The following PLPPR3 variants were observed in gnomAD, a reference collection of about 807,000 sequenced individuals.
PLPPR3 encodes phospholipid phosphatase related 3, also known as phospholipid phosphatase-related protein type 3.
PLPPR3 carries 14 observed loss-of-function variants against 27.3 expected under a neutral mutation model. The observed-to-expected ratio is 0.51, with a 90% CI of 0.34 to 0.80. The LOEUF (loss-of-function observed/expected upper bound fraction) is 0.80. Ranked by LOEUF, PLPPR3 falls within the 30% of genes least tolerant of loss-of-function variation. The probability of loss-of-function intolerance (pLI) is 0.01; values close to 1 mark genes in which losing one functional copy is unlikely to be tolerated. For missense variants in PLPPR3, 1,287 were observed against 1,056.9 expected (o/e 1.22, Z -3.02); for synonymous variants, 671 against 508.0 (o/e 1.32, Z -4.32).
chr19:815,220 G>A lies in PLPPR3; in HGVS notation c.369C>T (p.Phe123=), dbSNP rs2035031923. 1.9e-6 allele frequency: 3 copies of A among 1,599,642 alleles called. No individual in the cohort carries two copies. The highest frequency in any genetic ancestry group is 2.6e-6 in the Non-Finnish European group (3 of 1,175,916). The stretch of plus-strand genomic sequence containing the variant: ...GCACCGTACGCCGCAGGAAGGAGTT[G>A]AAGTTGCAGCCGCCGGCGTTGATGC... The part of the protein sequence containing the change: ...EGSINAGGCN[F]NSFLRRTVRF... The change falls in exon 4 of 8, where the codon TTC becomes TTT. Residue 123 remains phenylalanine (F), a synonymous_variant. Transcript: ENST00000520876.
chr19:817,282 C>A (rs1367394576), intron 2 of PLPPR3, among the ~76,000 whole-genome samples: 3 of 151,772 alleles, frequency 2.0e-5, no homozygotes, highest in Non-Finnish European at 2.9e-5. Context: ...CCAGCCATGG[C>A]CTCAAGCCTT....
rs149906063 is a variant in PLPPR3, at chr19:813,956, C to T, written c.832-61G>A. The T allele has an allele frequency of 1.4e-6, 2 of 1,404,086 alleles. No individual in the cohort carries two copies. The highest frequency in any genetic ancestry group is 1.6e-5 in the South Asian group (1 of 64,008). 87.0% of individuals were successfully genotyped at this position (1,404,086 alleles called of 1,614,324 possible). A position where few individuals can be genotyped will look rare whatever the true frequency, so the allele number is the denominator to read the frequency against. On this transcript the variant is annotated intron_variant, in intron 7 of 7. Transcript: ENST00000520876. This position sits in a 1 kb window ranked among gnomAD's most constrained non-coding sequence, Gnocchi z 4.1. ...GCTCAGAGGGCTCCTCCCCTGTGAT[C>T]GTTGGACTTGCCGCGGGGGGCTCTG...
chr19:812,534 TCGGCCCGCCCCCCGCCCGCCCC>T lies in PLPPR3; in HGVS notation c.*14_*35del, dbSNP rs1328346361. ...AGCATCCGCGCGGCCGCCCGCGCCC[TCGGCCCGCCCCCCGCCCGCCCC>T]CGGCCCCGCCGCGCTAGTCGGGGAA... On this transcript the variant is annotated 3_prime_UTR_variant, in exon 8 of 8. Coordinates refer to ENST00000520876, the MANE Select transcript of PLPPR3 (RefSeq NM_001270366.2). The T allele has an allele frequency of 1.0e-6, 1 of 981,702 alleles. No individual in the cohort carries two copies. Among genetic ancestry groups the T allele is most frequent in the African/African-American group, 1.8e-5 (1 of 56,592 alleles). 60.8% of individuals were successfully genotyped at this position (981,702 alleles called of 1,614,324 possible). A position where few individuals can be genotyped will look rare whatever the true frequency, so the allele number is the denominator to read the frequency against.
Position 812,542 on chromosome 19 carries a change from C to CG in PLPPR3, c.*27_*28insC. On this transcript the variant is annotated 3_prime_UTR_variant, in exon 8 of 8. Transcript: ENST00000520876. Reference sequence around the variant, plus strand: ...CGCGGCCGCCCGCGCCCTCGGCCCGCCCCCCGCCCGCCCCCGGCCCCGCCG... The same window carrying CG: ...CGCGGCCGCCCGCGCCCTCGGCCCGCGCCCCCGCCCGCCCCCGGCCCCGCCG... 108 of 346,206 alleles carry CG rather than the reference C, an allele frequency of 3.1e-4. No homozygotes were observed. The highest frequency in any genetic ancestry group is 4.1e-4 in the Non-Finnish European group (101 of 248,050). The allele number at this position is 346,206 out of a possible 1,614,324, so 21.4% of individuals were successfully genotyped here.
In PLPPR3 at chr19:821,511, G is replaced by T; in HGVS notation, c.49C>A (p.Leu17Ile). The T allele has an allele frequency of 1.3e-6, 2 of 1,509,186 alleles. No homozygotes were observed. Among genetic ancestry groups the T allele is most frequent in the Non-Finnish European group, 1.8e-6 (2 of 1,127,186 alleles). The allele number at this position is 1,509,186 out of a possible 1,614,324, so 93.5% of individuals were successfully genotyped here. A position where few individuals can be genotyped will look rare whatever the true frequency, so the allele number is the denominator to read the frequency against. Residue 17 changes from leucine (L) to isoleucine (I), a missense_variant, in exon 2 of 8, where the codon CTT becomes ATT. Physicochemically the swap from Leu to Ile is conservative, Grantham distance 5. Coordinates refer to ENST00000520876, the MANE Select transcript of PLPPR3 (RefSeq NM_001270366.2). Reference sequence around the variant, plus strand: ...TCCACGAAGTAGAAGCAGGGCAGAAGCGTCATGCTGTCCTTCGGGATCTTG... The same window carrying T: ...TCCACGAAGTAGAAGCAGGGCAGAATCGTCATGCTGTCCTTCGGGATCTTG... ...KNKIPKDSMT[L>I]LPCFYFVELP...
chr19:816,344 TCC>T, intron 2 of PLPPR3, among the ~76,000 whole-genome samples: 1 of 47,854 alleles, frequency 2.1e-5, no homozygotes, highest in African/African-American at 1.3e-4. Context: ...CACCCACCCA[TCC>T]ATCCGTCCAT....
chr19:814,107 C>A (rs1002862234), intron 7 of PLPPR3, among the ~76,000 whole-genome samples: 6 of 152,058 alleles, frequency 3.9e-5, no homozygotes, highest in African/African-American at 1.4e-4. Flanking sequence ...AAGGGCGAGA[C>A]ACTTCAGCAC....
At chr19:817,273 C>T (rs909540237) in intron 2 of PLPPR3, among the ~76,000 whole-genome samples, 39 of 152,014 alleles carry the variant, frequency 2.6e-4, no homozygotes, top group African/African-American at 9.4e-4. Context: ...GCACCGCACC[C>T]AGCCATGGCC....
chr19:814,305 CCCCCTGAGCCTGCCTCCCACCTCAGA>C, intron 7 of PLPPR3, 103 bp downstream of exon 7: 2 of 889,488 alleles, frequency 2.2e-6, no homozygotes, highest in Admixed American at 2.8e-5. Flanking sequence ...CCCTGTCAGA[CCCCCTGAGCCTGCCTCCCACCTCAGA>C]CCCCTGGGCC....
rs781052232 is a variant in PLPPR3, at chr19:814,656, G to A, written c.657+36C>T. 5.6e-6 allele frequency: 9 copies of A among 1,609,084 alleles called. No homozygotes were observed. The Admixed American group carries it at 8.3e-5, about 15-fold the overall frequency. ...GGGAGGGCTCCCCACGGGTCAGCAA[G>A]AGGGCCTGGGAAGGGCAGTGAGGGG... is the stretch of plus-strand genomic sequence containing the variant. On this transcript the variant is annotated intron_variant, in intron 6 of 7. Coordinates refer to ENST00000520876, the MANE Select transcript of PLPPR3 (RefSeq NM_001270366.2).
At chr19:815,356 T>C in intron 3 of PLPPR3, 29 bp from the exon 4 acceptor site, 1 of 1,516,590 alleles carries the variant, frequency 6.6e-7, no homozygotes, top group Non-Finnish European at 8.8e-7. Flanking sequence ...CGCTCAGGCC[T>C]CGGTGCCCAC....
Position 815,227 on chromosome 19 carries a change from C to T in PLPPR3, c.362G>A (p.Cys121Tyr). The part of the protein sequence containing the change: ...GAEGSINAGG[C>Y]NFNSFLRRTV... ...ACGCCGCAGGAAGGAGTTGAAGTTG[C>T]AGCCGCCGGCGTTGATGCTGCCCTC... Residue 121 changes from cysteine (C) to tyrosine (Y), a missense_variant, in exon 4 of 8, where the codon TGC becomes TAC. By Grantham distance (194) the Cys-to-Tyr change is radical. Transcript: ENST00000520876. The T allele has an allele frequency of 1.3e-6, 2 of 1,594,202 alleles. No homozygotes were observed. The highest frequency in any genetic ancestry group is 8.5e-7 in the Non-Finnish European group (1 of 1,173,328).
Position 821,584 on chromosome 19 carries a change from GGCT to G in PLPPR3, c.-26-2_-26del, listed in dbSNP as rs772867952. On this transcript the variant is annotated splice_acceptor_variant and 5_prime_UTR_variant, in exon 2 of 8. Coordinates refer to ENST00000520876, the MANE Select transcript of PLPPR3 (RefSeq NM_001270366.2). LOFTEE classifies it low-confidence loss of function (5UTR_SPLICE). ...TGGTGCCGCGGGCGCCGCAGGCCGT[GGCT>G]GGAGGGGAGAAAGCGGCGCTGGAGG... 6.8e-7 allele frequency: 1 copy of G among 1,467,766 alleles called. No individual in the cohort carries two copies. Among genetic ancestry groups the G allele is most frequent in the South Asian group, 1.3e-5 (1 of 76,664 alleles). 90.9% of individuals were successfully genotyped at this position (1,467,766 alleles called of 1,614,324 possible).
upstream of PLPPR3, among the ~76,000 whole-genome samples, chr19:822,918 A>G (rs1303502765): frequency 3.3e-5 from 5 of 151,456 alleles, no homozygotes; most frequent in East Asian, 9.7e-4. Flanking sequence ...CAGGAGTTCG[A>G]GACCAGCCTG....
At chr19:822,412 G>T (rs1160036972), upstream of PLPPR3, among the ~76,000 whole-genome samples, 6 of 152,042 alleles carry the variant, frequency 3.9e-5, no homozygotes, top group African/African-American at 1.2e-4. Context: ...GGAGCCCGCC[G>T]CTCGCTGGTG....
chr19:812,662 G>A lies in PLPPR3; in HGVS notation c.2065C>T (p.His689Tyr). The change falls in exon 8 of 8, where the codon CAC becomes TAC. Residue 689 changes from histidine to tyrosine, a missense_variant. Physicochemically the swap from His to Tyr is moderately conservative, Grantham distance 83. Coordinates refer to ENST00000520876, the MANE Select transcript of PLPPR3 (RefSeq NM_001270366.2). ...PGSRESTLRR[H>Y]AGGLGLAERE... ...TCCGCCAGCCCCAGGCCGCCCGCGT[G>A]GCGCCGCAGCGTGGACTCCCGGCTG... 9.4e-7 allele frequency: 1 copy of A among 1,061,482 alleles called. No homozygotes were observed. Among genetic ancestry groups the A allele is most frequent in the Non-Finnish European group, 1.1e-6 (1 of 877,218 alleles). The allele number at this position is 1,061,482 out of a possible 1,614,324, so 65.8% of individuals were successfully genotyped here. A position where few individuals can be genotyped will look rare whatever the true frequency, so the allele number is the denominator to read the frequency against.
intron 3 of PLPPR3, 57 bp downstream of exon 3, chr19:815,609 G>T: frequency 9.4e-6 from 14 of 1,493,426 alleles, no homozygotes; most frequent in South Asian, 1.2e-5. Flanking sequence ...GGTGGCGGGG[G>T]TGGGCTCCCA....
upstream of PLPPR3, among the ~76,000 whole-genome samples, chr19:823,450 A>AAAAAAAAAAAC (rs111454578): frequency 2.7e-4 from 39 of 143,880 alleles, 1 homozygote; most frequent in Admixed American, 1.1e-3. Context: ...TCAAAAAAAA[A>AAAAAAAAAAAC]AAAAAAAACA....
rs138467044 is a variant in PLPPR3, at chr19:821,543, T to C, written c.17A>G (p.Glu6Gly). The C allele has an allele frequency of 3.3e-6, 5 of 1,494,262 alleles. No homozygotes were observed. Among genetic ancestry groups the C allele is most frequent in the Non-Finnish European group, 3.6e-6 (4 of 1,117,514 alleles). 92.6% of individuals were successfully genotyped at this position (1,494,262 alleles called of 1,614,324 possible). The change falls in exon 2 of 8, where the codon GAG (glutamate) becomes GGG (glycine). Residue 6 changes from glutamate (E) to glycine (G), a missense_variant. Coordinates refer to ENST00000520876, the MANE Select transcript of PLPPR3 (RefSeq NM_001270366.2). The stretch of plus-strand genomic sequence containing the variant: ...GCTGTCCTTCGGGATCTTGTTCTTC[T>C]CCTTGGTGGAGATCATGGTGCCGCG... Reference protein sequence around the residue: MISTKEKNKIPKDSMT... With the variant: MISTKGKNKIPKDSMT...
Sources: gnomAD v4.1 joint callset for allele counts (sites outside exome capture counted in the v4.1 genomes callset) on GRCh38, gnomAD v4.1.1 for gene constraint, Gnocchi (gnomAD v3.1) non-coding constraint, MANE v1.5 for transcripts, NCBI Gene and HGNC (gene_info 2026-07-23, HGNC 2026-07-21) for gene names.